DOCK2: variants seen among roughly 807,000 people sequenced by gnomAD.
DOCK2 encodes dedicator of cytokinesis 2.
A neutral mutation model predicts 248.9 loss-of-function variants in DOCK2; 87 were observed. The observed-to-expected ratio is 0.35, with a 90% CI of 0.29 to 0.42. The LOEUF (loss-of-function observed/expected upper bound fraction) is 0.42, where lower values mean the gene tolerates loss of function less well. DOCK2 is among the 10% of genes least tolerant of loss of function. DOCK2 has a pLI of 1.00. For missense variants in DOCK2, 1,747 were observed against 2,300.2 expected (o/e 0.76, Z 4.92); for synonymous variants, 805 against 821.6 (o/e 0.98, Z 0.35).
chr5:170,016,972 T>C (rs1755559700), intron 32 of DOCK2, among the ~76,000 whole-genome samples: 1 of 152,204 alleles, frequency 6.6e-6, no homozygotes, highest in Admixed American at 6.5e-5. Context: ...AAATGCATCA[T>C]ATAATGAAGC....
At chr5:169,991,138 G>A (rs748353021) in intron 29 of DOCK2, among the ~76,000 whole-genome samples, 1 of 152,232 alleles carries the variant, frequency 6.6e-6, no homozygotes, top group African/African-American at 2.4e-5. Context: ...AGGTGACCCT[G>A]GCAGGCTTGC....
At chr5:169,934,529 C>G (rs775361710) in intron 27 of DOCK2, 22 of 405,968 alleles carry the variant, frequency 5.4e-5, no homozygotes, top group Admixed American at 5.2e-4. Flanking sequence ...CACATTTCTT[C>G]CAGCCTAATT....
chr5:169,757,013 T>C (rs1318074459), intron 23 of DOCK2, among the ~76,000 whole-genome samples: 2 of 152,070 alleles, frequency 1.3e-5, no homozygotes, highest in African/African-American at 4.8e-5. Flanking sequence ...CTTCAGAGGT[T>C]GTAAATTAGT....
At chr5:169,877,552 G>T (rs183573624) in intron 27 of DOCK2, among the ~76,000 whole-genome samples, 1 of 152,190 alleles carries the variant, frequency 6.6e-6, no homozygotes, top group Admixed American at 6.5e-5. Context: ...AATATGGGAA[G>T]AAAATTAATT....
chr5:169,655,683 TACAC>T (rs912552229), intron 2 of DOCK2, among the ~76,000 whole-genome samples: 9 of 152,032 alleles, frequency 5.9e-5, no homozygotes, highest in South Asian at 4.2e-4. Flanking sequence ...TGTAAACACA[TACAC>T]ACACACAGAC....
At chr5:170,001,860 G>T (rs1364251498) in intron 30 of DOCK2, among the ~76,000 whole-genome samples, 1 of 152,166 alleles carries the variant, frequency 6.6e-6, no homozygotes, top group African/African-American at 2.4e-5. Context: ...GGTGAATAAT[G>T]GGTGAATCTA....
At chr5:169,880,563 GCTT>G (rs1772581435) in intron 27 of DOCK2, among the ~76,000 whole-genome samples, 1 of 152,204 alleles carries the variant, frequency 6.6e-6, no homozygotes, top group Non-Finnish European at 1.5e-5. Flanking sequence ...TGGAAAGTGG[GCTT>G]CCAGCTAAGG....
At chr5:170,024,978 A>G (rs1347969983) in intron 33 of DOCK2, among the ~76,000 whole-genome samples, 1 of 152,242 alleles carries the variant, frequency 6.6e-6, no homozygotes, top group Admixed American at 6.5e-5. Context: ...AGAAAAGTTC[A>G]GCTCACCAGG....
At chr5:170,038,881 G>C (rs1756412699) in intron 36 of DOCK2, among the ~76,000 whole-genome samples, 1 of 152,174 alleles carries the variant, frequency 6.6e-6, no homozygotes, top group Non-Finnish European at 1.5e-5. Flanking sequence ...AGCCATCTAG[G>C]GGTCTAAGGC....
chr5:169,675,432 T>C (rs73798819), intron 6 of DOCK2, among the ~76,000 whole-genome samples: 1,728 of 152,314 alleles, frequency 0.011, 32 homozygotes, highest in African/African-American at 0.038. Context: ...ATTGGGGCTG[T>C]AGAAATAAAA....
In DOCK2 at chr5:169,986,869, A is replaced by T. The variant is rs10077007; in HGVS notation, c.2993+947A>T. 6.7e-3 allele frequency among the ~76,000 whole-genome samples: 1,014 copies of T among 152,328 alleles called. 14 individuals carry two copies. Among genetic ancestry groups the T allele is most frequent in the African/African-American group, 0.023 (971 of 41,566 alleles). On this transcript the variant is annotated intron_variant, in intron 29 of 51. Coordinates refer to ENST00000520908, the MANE Select transcript of DOCK2 (RefSeq NM_004946.3). ...TATTGTTCTTGTTTTATATCAAAAA[A>T]CCAAGCATTGTCTGGCAAAGATAGA...
At chr5:169,738,910 G>A (rs1294905168) in intron 22 of DOCK2, among the ~76,000 whole-genome samples, 1 of 152,296 alleles carries the variant, frequency 6.6e-6, no homozygotes, top group East Asian at 1.9e-4. Flanking sequence ...TCTGCGGGCA[G>A]CCTGGTGGGC....
chr5:169,775,747 A>G (rs1272875489), intron 25 of DOCK2, among the ~76,000 whole-genome samples: 2 of 151,904 alleles, frequency 1.3e-5, no homozygotes, highest in Admixed American at 1.3e-4. Context: ...TTTTATGGAG[A>G]AGGCAGGATG....
rs771870937 is a variant in DOCK2, at chr5:169,718,806, T to C, written c.2267+15T>C. 2 of 1,606,702 alleles carry C rather than the reference T, an allele frequency of 1.2e-6. No individual in the cohort carries two copies. The highest frequency in any genetic ancestry group is 2.2e-5 in the East Asian group (1 of 44,634). On this transcript the variant is annotated intron_variant, in intron 22 of 51. Coordinates refer to ENST00000520908, the MANE Select transcript of DOCK2 (RefSeq NM_004946.3). ...TTATTTTCACAGTGAGTACTTGTTATGTAAGAGTGATTGATTAGCTCTGCA... is the reference window on the plus strand; with the variant it reads ...TTATTTTCACAGTGAGTACTTGTTACGTAAGAGTGATTGATTAGCTCTGCA...
chr5:169,950,128 C>CT (rs1275770752), intron 27 of DOCK2, among the ~76,000 whole-genome samples: 1 of 152,192 alleles, frequency 6.6e-6, no homozygotes, highest in Non-Finnish European at 1.5e-5. Flanking sequence ...TTCTCTCCCT[C>CT]TTTCTGTTCT....
At chr5:169,981,878 C>A (rs1777947492) in intron 27 of DOCK2, among the ~76,000 whole-genome samples, 1 of 152,092 alleles carries the variant, frequency 6.6e-6, no homozygotes, top group African/African-American at 2.4e-5. Context: ...GTTAACATAA[C>A]TTTTATATGC....
intron 27 of DOCK2, among the ~76,000 whole-genome samples, chr5:169,905,701 T>C (rs560748161): frequency 6.6e-6 from 1 of 152,282 alleles, no homozygotes. Flanking sequence ...ACAGCACCTC[T>C]GGGAGGGGCC....
chr5:169,871,180 C>A (rs1456689295), intron 27 of DOCK2, among the ~76,000 whole-genome samples: 1 of 152,158 alleles, frequency 6.6e-6, no homozygotes, highest in East Asian at 1.9e-4. Flanking sequence ...AGGAATTAAT[C>A]TGAATTTGAA....
At position 170,028,038 on chromosome 5, in the gene DOCK2, G is replaced by A. The variant is rs374264796; in HGVS notation, c.3467+90G>A. 4.4e-4 allele frequency: 524 copies of A among 1,187,824 alleles called. 6 individuals are homozygous for A. The South Asian group carries it at 8.1e-3, about 18-fold the overall frequency. 73.6% of individuals were successfully genotyped at this position (1,187,824 alleles called of 1,614,324 possible). A position where few individuals can be genotyped will look rare whatever the true frequency, so the allele number is the denominator to read the frequency against. ...ACTCCAGGGGGCTCCGAGTGGCTCT[G>A]TCCTCCCCTGGAGATGGATCTAGAG... On this transcript the variant is annotated intron_variant, in intron 34 of 51. Coordinates refer to ENST00000520908, the MANE Select transcript of DOCK2 (RefSeq NM_004946.3).
Sources: gnomAD v4.1 joint callset for allele counts (sites outside exome capture counted in the v4.1 genomes callset) on GRCh38, gnomAD v4.1.1 for gene constraint, MANE v1.5 for transcripts, NCBI Gene and HGNC (gene_info 2026-07-23, HGNC 2026-07-21) for gene names.